Variants in EFHC2 observed in about 807,000 individuals in gnomAD.
EFHC2 encodes the protein EF-hand domain-containing family member C2.
EFHC2 carries 18 observed loss-of-function variants against 52.7 expected under a neutral mutation model. The ratio of observed to expected loss-of-function variants is 0.34; its 90% confidence interval spans 0.24 to 0.51. EFHC2 has a LOEUF of 0.51. Among genes scored for constraint, EFHC2 ranks in the 20% least tolerant of loss-of-function variants. EFHC2 has a pLI of 0.97. For synonymous variants in EFHC2, 203 were observed against 204.1 expected (o/e 0.99, Z 0.04); for missense variants, 513 against 562.5 (o/e 0.91, Z 0.89).
chrX:44,289,976 C>T (rs1031689388), intron 2 of EFHC2, among the ~76,000 whole-genome samples: 5 of 111,920 alleles, frequency 4.5e-5, no homozygotes, highest in African/African-American at 6.5e-5. Context: ...CCTCGGCACC[C>T]GGCCCGGTCT....
At chrX:44,307,804 C>T (rs749221283) in intron 2 of EFHC2, among the ~76,000 whole-genome samples, 2 of 110,692 alleles carry the variant, frequency 1.8e-5, no homozygotes, top group East Asian at 2.8e-4. Flanking sequence ...TGTGGTGGCA[C>T]ATACCTGCAG....
At chrX:44,240,819 T>C (rs776614798) in intron 8 of EFHC2, among the ~76,000 whole-genome samples, 53 of 110,922 alleles carry the variant, frequency 4.8e-4, no homozygotes, top group African/African-American at 1.6e-3. Flanking sequence ...AATTAGCATT[T>C]CTAAAAAGTA....
chrX:44,177,320 T>C (rs917020612), intron 12 of EFHC2, among the ~76,000 whole-genome samples: 1 of 112,140 alleles, frequency 8.9e-6, no homozygotes, highest in African/African-American at 3.2e-5. Flanking sequence ...AAAAAAATGA[T>C]TATTTCTAAG....
chrX:44,330,098 A>AAAG (rs1399372721), intron 1 of EFHC2, among the ~76,000 whole-genome samples: 1 of 105,974 alleles, frequency 9.4e-6, no homozygotes, highest in African/African-American at 3.4e-5. Flanking sequence ...AAAAAAAAAA[A>AAAG]AAAAAAAAAT....
intron 2 of EFHC2, among the ~76,000 whole-genome samples, chrX:44,299,954 AT>A (rs1369667090): frequency 1.8e-5 from 2 of 111,787 alleles, no homozygotes; most frequent in African/African-American, 3.2e-5. Flanking sequence ...TTTAAAAAAA[AT>A]TTTTTTAAGA....
chrX:44,296,495 G>A (rs1283360278), intron 2 of EFHC2, among the ~76,000 whole-genome samples: 1 of 111,002 alleles, frequency 9.0e-6, no homozygotes, highest in South Asian at 3.8e-4. Flanking sequence ...CCAAAAAAAG[G>A]GGGGAACATG....
chrX:44,170,596 C>T (rs892407347), intron 13 of EFHC2, among the ~76,000 whole-genome samples: 1 of 110,671 alleles, frequency 9.0e-6, no homozygotes, highest in Non-Finnish European at 1.9e-5. Flanking sequence ...GCATCATTTA[C>T]CAAATCCTAG....
chrX:44,312,276 G>A (rs762001160), intron 2 of EFHC2, among the ~76,000 whole-genome samples: 8 of 111,650 alleles, frequency 7.2e-5, no homozygotes, highest in Non-Finnish European at 1.5e-4. Flanking sequence ...ATGAGGTAAC[G>A]CATATGTTAA....
intron 11 of EFHC2, among the ~76,000 whole-genome samples, chrX:44,228,996 A>G (rs1281254902): frequency 1.8e-5 from 2 of 112,056 alleles, no homozygotes; most frequent in Non-Finnish European, 3.8e-5. Context: ...TAGACCCTGA[A>G]TTTGAATTTC....
intron 7 of EFHC2, among the ~76,000 whole-genome samples, chrX:44,247,089 T>G (rs2037406148): frequency 1.8e-5 from 2 of 112,091 alleles, no homozygotes; most frequent in African/African-American, 6.5e-5. Context: ...TGCCCAACTG[T>G]GTCCACTGAA....
At chrX:44,174,755 A>G (rs187953798) in intron 13 of EFHC2, among the ~76,000 whole-genome samples, 1 of 110,343 alleles carries the variant, frequency 9.1e-6, no homozygotes, top group Non-Finnish European at 1.9e-5. Flanking sequence ...GTGGGGGATG[A>G]TATCTGTGAA....
intron 11 of EFHC2, among the ~76,000 whole-genome samples, chrX:44,218,219 C>T (rs1447032716): frequency 9.0e-6 from 1 of 111,297 alleles, no homozygotes; most frequent in Non-Finnish European, 1.9e-5. Context: ...AGTGAGAATA[C>T]TTCAATTTTT....
chrX:44,211,664 A>G lies in EFHC2; in HGVS notation c.1751+17985T>C, dbSNP rs2037097528. Among the ~76,000 whole-genome samples, 7 of 110,285 alleles carry G rather than the reference A, an allele frequency of 6.3e-5. No homozygotes were observed. In the South Asian group the frequency reaches 2.7e-3, roughly 43 times the overall value. On this transcript the variant is annotated intron_variant, in intron 11 of 14. Transcript: ENST00000420999. ...ATCATGAGATCAGGAGATCGAGACC[A>G]TCCTGGCTAACATGGTGAAACCCTG... is the stretch of plus-strand genomic sequence containing the variant.
At position 44,312,381 on chromosome X, in the gene EFHC2, A is replaced by G. The variant is rs534206299; in HGVS notation, c.231+187T>C. Among the ~76,000 whole-genome samples the G allele has an allele frequency of 2.4e-4, 27 of 112,487 alleles. No homozygotes were observed. In the South Asian group the frequency reaches 8.4e-3, roughly 35 times the overall value. On this transcript the variant is annotated intron_variant, in intron 2 of 14. Transcript: ENST00000420999. Reference sequence around the variant, plus strand: ...ACAATTATGTTTGTCAATTTAAACAAATAAAGACAAAGGGAGAAACACTAA... The same window carrying G: ...ACAATTATGTTTGTCAATTTAAACAGATAAAGACAAAGGGAGAAACACTAA...
chrX:44,171,628 A>C (rs2036746625), intron 13 of EFHC2, among the ~76,000 whole-genome samples: 1 of 111,713 alleles, frequency 9.0e-6, no homozygotes, highest in Non-Finnish European at 1.9e-5. Context: ...CTAAATAGTC[A>C]TGCCTCTAAA....
Position 44,261,082 on chromosome X carries a change from C to T in EFHC2, c.599G>A (p.Arg200Gln), listed in dbSNP as rs770699459. 6.6e-6 allele frequency: 8 copies of T among 1,205,361 alleles called. No individual in the cohort carries two copies. In the East Asian group the frequency reaches 1.5e-4, roughly 22 times the overall value. The stretch of plus-strand genomic sequence containing the variant: ...CAAACGTCAATTCCTTACCTCTCTC[C>T]GAATCTTCATGTAAGGATCTTCTGG... ...QCPEDPYMKI[R>Q]REVVEHVEPL... Residue 200 changes from arginine to glutamine, a missense_variant, in exon 4 of 15, where the codon CGG becomes CAG. Coordinates refer to ENST00000420999, the MANE Select transcript of EFHC2 (RefSeq NM_025184.4).
chrX:44,226,069 A>C (rs1490243930), intron 11 of EFHC2, among the ~76,000 whole-genome samples: 1 of 111,895 alleles, frequency 8.9e-6, no homozygotes, highest in African/African-American at 3.3e-5. Context: ...GCCCCCAGTA[A>C]GTGCTCAATA....
chrX:44,275,033 A>G (rs991435512), intron 2 of EFHC2, among the ~76,000 whole-genome samples: 7 of 111,423 alleles, frequency 6.3e-5, no homozygotes, highest in Non-Finnish European at 1.1e-4. Context: ...TCAAGTAGGA[A>G]AGTGTAGAGA....
chrX:44,268,631 C>T (rs2037594696), intron 3 of EFHC2, among the ~76,000 whole-genome samples: 1 of 111,474 alleles, frequency 9.0e-6, no homozygotes. Flanking sequence ...TAGGTGAAAA[C>T]CTGTAAGAAA....
Sources: gnomAD v4.1 joint callset for allele counts (sites outside exome capture counted in the v4.1 genomes callset) on GRCh38, gnomAD v4.1.1 for gene constraint, MANE v1.5 for transcripts, NCBI Gene and HGNC (gene_info 2026-07-23, HGNC 2026-07-21) for gene names.